The following GON4L variants were observed in gnomAD, a reference collection of about 807,000 sequenced individuals.
GON4L encodes GON-4-like protein.
Under a neutral mutation model 211.8 loss-of-function variants are expected in GON4L, and 87 were observed. That is an observed-to-expected ratio of 0.41 (90% CI 0.35 to 0.49). GON4L has a LOEUF of 0.49. Ranked by LOEUF, GON4L falls within the 20% of genes least tolerant of loss-of-function variation. GON4L has a pLI of 0.15. For synonymous variants in GON4L, 875 were observed against 962.6 expected, an observed-to-expected ratio of 0.91 and a Z score of 1.68; for missense variants, 2,155 against 2,659.5, an observed-to-expected ratio of 0.81 and a Z score of 4.17.
Position 155,759,633 on chromosome 1 carries a change from C to T in GON4L, c.5109+811G>A, listed in dbSNP as rs1394046720. Among the ~76,000 whole-genome samples the T allele has an allele frequency of 2.6e-5, 4 of 151,518 alleles. 1 individual carries two copies. The highest frequency in any genetic ancestry group is 1.3e-4 in the Admixed American group (2 of 15,194). ...TACACTGATTGGAACCTCATAATAC[C>T]AGAAGAGAAAATGGGCATCACACAT... On this transcript the variant is annotated intron_variant, in intron 24 of 31. Transcript: ENST00000368331.
At chr1:155,821,185 G>C (rs1440780837) in intron 5 of GON4L, among the ~76,000 whole-genome samples, 1 of 152,028 alleles carries the variant, frequency 6.6e-6, no homozygotes, top group African/African-American at 2.4e-5. Flanking sequence ...ACAATGGCCT[G>C]AACCCGGGAG....
downstream of GON4L, chr1:155,748,590 C>T (rs899147298): frequency 3.7e-6 from 6 of 1,613,182 alleles, no homozygotes; most frequent in African/African-American, 6.7e-5. Context: ...AACGTGTTCT[C>T]TTCCTTCTCT....
Position 155,853,289 on chromosome 1 carries a change from G to T in GON4L, c.492C>A (p.Val164=). Reference sequence around the variant, plus strand: ...TGTATACCTTACCTCCTTCTTCCTTGACTTCTTCACTAGGCTCTCCTGAAA... The same window carrying T: ...TGTATACCTTACCTCCTTCTTCCTTTACTTCTTCACTAGGCTCTCCTGAAA... ...EPFSGEPSEE[V]KEEGGKPQMN... The change falls in exon 2 of 32, where the codon GTC becomes GTA. Residue 164 remains valine, a synonymous_variant. Coordinates refer to ENST00000368331, the MANE Select transcript of GON4L (RefSeq NM_001282860.2). The T allele has an allele frequency of 6.2e-7, 1 of 1,613,678 alleles. No individual in the cohort carries two copies. The highest frequency in any genetic ancestry group is 1.1e-5 in the South Asian group (1 of 91,050).
At chr1:155,855,409 T>A (rs547079767) in intron 1 of GON4L, among the ~76,000 whole-genome samples, 1 of 152,228 alleles carries the variant, frequency 6.6e-6, no homozygotes, top group East Asian at 1.9e-4. Flanking sequence ...CAGGCTGCAC[T>A]GCAGTGGCAC....
intron 2 of GON4L, among the ~76,000 whole-genome samples, chr1:155,828,784 G>A (rs1669460526): frequency 6.7e-6 from 1 of 148,762 alleles, no homozygotes; most frequent in African/African-American, 2.5e-5. Context: ...CTCCAGCCTG[G>A]GCGACAGAGA....
chr1:155,767,911 A>G (rs1338861884), intron 19 of GON4L, among the ~76,000 whole-genome samples: 1 of 152,160 alleles, frequency 6.6e-6, no homozygotes, highest in Non-Finnish European at 1.5e-5. Flanking sequence ...CAACATCGTA[A>G]TCTATACCTT....
chr1:155,775,643 G>T (rs1663726611), intron 16 of GON4L, among the ~76,000 whole-genome samples: 1 of 151,926 alleles, frequency 6.6e-6, no homozygotes, highest in Non-Finnish European at 1.5e-5. Flanking sequence ...ATTTTAAGTA[G>T]AGACTGGATT....
intron 16 of GON4L, 139 bp from the exon 17 acceptor site, chr1:155,775,312 A>C (rs1011668566): frequency 8.0e-6 from 9 of 1,120,294 alleles, no homozygotes; most frequent in Admixed American, 6.0e-5. Context: ...CTTTCACAAT[A>C]AACTACTCTG....
intron 2 of GON4L, among the ~76,000 whole-genome samples, chr1:155,842,771 A>T (rs1670894759): frequency 6.6e-6 from 1 of 151,962 alleles, no homozygotes; most frequent in Admixed American, 6.6e-5. Context: ...CGGGAGGCGG[A>T]GGTTGCAGTG....
chr1:155,852,060 G>A (rs1394421214), intron 2 of GON4L, among the ~76,000 whole-genome samples: 3 of 151,054 alleles, frequency 2.0e-5, no homozygotes, highest in Admixed American at 6.6e-5. Context: ...AGCTACTCGC[G>A]AGGCTGAAGC....
intron 3 of GON4L, among the ~76,000 whole-genome samples, chr1:155,826,632 G>A (rs1422959379): frequency 6.6e-6 from 1 of 151,940 alleles, no homozygotes; most frequent in African/African-American, 2.4e-5. Context: ...GTTAACCTAT[G>A]GGTAGAGGGT....
At chr1:155,828,324 A>T (rs1454865253) in intron 2 of GON4L, among the ~76,000 whole-genome samples, 1 of 151,744 alleles carries the variant, frequency 6.6e-6, no homozygotes, top group Non-Finnish European at 1.5e-5. Context: ...CCTCGGCTGT[A>T]AAAAAAGAAT....
chr1:155,753,960 C>T, intron 28 of GON4L: 1 of 287,914 alleles, frequency 3.5e-6, no homozygotes, highest in Non-Finnish European at 6.7e-6. Context: ...ACCTCTGCCT[C>T]CCTGCTCCAA....
chr1:155,752,067 C>G lies in GON4L; in HGVS notation c.6366G>C (p.Gln2122His). Residue 2122 changes from glutamine to histidine, a missense_variant, in exon 30 of 32, where the codon CAG (glutamine) becomes CAC (histidine). Around this residue, in one of 6 missense-constraint regions of GON4L, gnomAD observed 186 missense variants for 308.1 expected, o/e 0.60. Transcript: ENST00000368331. ...RGGLAKDSGT[Q>H]AKGPEGEQQP... ...GCTGCTCCCCCTCTGGACCCTTGGC[C>G]TGTGTTCCACTGTCTTTAGCCAAAC... The G allele has an allele frequency of 6.2e-7, 1 of 1,613,794 alleles. No individual in the cohort carries two copies. The highest frequency in any genetic ancestry group is 1.1e-5 in the South Asian group (1 of 91,074).
At chr1:155,809,240 G>A (rs71628688) in intron 10 of GON4L, among the ~76,000 whole-genome samples, 1 of 151,988 alleles carries the variant, frequency 6.6e-6, no homozygotes, top group African/African-American at 2.4e-5. Context: ...CTGACAGGAA[G>A]TTTCATATTT....
chr1:155,751,010 C>G (rs528067344), intron 31 of GON4L, among the ~76,000 whole-genome samples: 28 of 152,234 alleles, frequency 1.8e-4, no homozygotes, highest in Middle Eastern at 3.4e-3. Context: ...GTGATCCACC[C>G]ACCTCGGCCT....
Position 155,776,376 on chromosome 1 carries a change from T to G in GON4L, c.2178+19A>C. 2 of 1,496,584 alleles carry G rather than the reference T, an allele frequency of 1.3e-6. No individual in the cohort carries two copies. Among genetic ancestry groups the G allele is most frequent in the Non-Finnish European group, 1.9e-6 (2 of 1,072,920 alleles). The allele number at this position is 1,496,584 out of a possible 1,614,324, so 92.7% of individuals were successfully genotyped here. A position where few individuals can be genotyped will look rare whatever the true frequency, so the allele number is the denominator to read the frequency against. On this transcript the variant is annotated intron_variant, in intron 16 of 31. Coordinates refer to ENST00000368331, the MANE Select transcript of GON4L (RefSeq NM_001282860.2). ...TTTCATACTCTAGTCTTTAGAGTTA[T>G]GGATATTTGGAAACTTACAAGAAAT...
chr1:155,781,119 A>AT (rs1300791190), intron 14 of GON4L, among the ~76,000 whole-genome samples: 1 of 151,694 alleles, frequency 6.6e-6, no homozygotes, highest in Admixed American at 6.6e-5. Flanking sequence ...ACGTAGTTGT[A>AT]TTTTTTATTA....
rs1385401468 is a variant in GON4L at position 155,762,311 on chromosome 1, C to T, written c.4790G>A (p.Ser1597Asn). Residue 1597 changes from serine (S) to asparagine (N), a missense_variant, in exon 23 of 32, where the codon AGT (serine) becomes AAT (asparagine). By Grantham distance (46) the Ser-to-Asn change is conservative. Coordinates refer to ENST00000368331, the MANE Select transcript of GON4L (RefSeq NM_001282860.2). ...NNHRARNKRG[S>N]RARASKDTSK... ...GGTGTCCTTGCTGGCCCGAGCCCGA[C>T]TTCCCCGCTTGTTGCGAGCTCGATG... 2 of 1,613,344 alleles carry T rather than the reference C, an allele frequency of 1.2e-6. No homozygotes were observed. The highest frequency in any genetic ancestry group is 1.1e-5 in the South Asian group (1 of 90,922).
Sources: gnomAD v4.1 joint callset for allele counts (sites outside exome capture counted in the v4.1 genomes callset) on GRCh38, gnomAD v4.1.1 for gene constraint, gnomAD v4.1.1 regional missense constraint, MANE v1.5 for transcripts, NCBI Gene and HGNC (gene_info 2026-07-23, HGNC 2026-07-21) for gene names.